Variants in HSD17B4 observed in about 807,000 individuals in gnomAD.
The protein encoded by HSD17B4 is peroxisomal multifunctional enzyme type 2.
Under a neutral mutation model 101.0 loss-of-function variants are expected in HSD17B4, and 70 were observed. The ratio of observed to expected loss-of-function variants is 0.69; its 90% CI spans 0.57 to 0.85. The LOEUF (loss-of-function observed/expected upper bound fraction) is 0.85, where lower values mean the gene tolerates loss of function less well. Ranked by LOEUF, HSD17B4 falls within the 40% of genes least tolerant of loss-of-function variation. The probability of loss-of-function intolerance (pLI) is 0.00; values close to 1 mark genes in which losing one functional copy is unlikely to be tolerated. For missense variants in HSD17B4, 984 were observed against 892.4 expected, an observed-to-expected ratio of 1.10 and a Z score of -1.31; for synonymous variants, 347 against 297.1, an observed-to-expected ratio of 1.17 and a Z score of -1.73.
chr5:119,475,578 A>T, intron 4 of HSD17B4, 128 bp from the exon 5 acceptor site: 1 of 724,098 alleles, frequency 1.4e-6, no homozygotes, highest in South Asian at 1.7e-5. Flanking sequence ...TTTTGAAAGC[A>T]CTCTTTACCT....
intron 19 of HSD17B4, 66 bp downstream of exon 19, chr5:119,526,089 GT>G: frequency 1.1e-6 from 1 of 913,748 alleles, no homozygotes; most frequent in Non-Finnish European, 1.8e-6. Flanking sequence ...AAGAAAAGGG[GT>G]TTTAGTGATT....
chr5:119,519,221 C>A (rs923768217), intron 17 of HSD17B4, among the ~76,000 whole-genome samples: 2 of 152,124 alleles, frequency 1.3e-5, no homozygotes, highest in African/African-American at 4.8e-5. Flanking sequence ...ACAGACAATT[C>A]CACTGCAATA....
rs569942945 is a variant in HSD17B4 at position 119,514,950 on chromosome 5, T to A, written c.1438-31T>A. On this transcript the variant is annotated intron_variant, in intron 16 of 23. Coordinates refer to ENST00000510025, the MANE Select transcript of HSD17B4 (RefSeq NM_000414.4). Reference sequence around the variant, plus strand: ...AAAGAGAATAATGATAATTTGTATTTAAGATTTAACATGTAATGTCTTAAT... The same window carrying A: ...AAAGAGAATAATGATAATTTGTATTAAAGATTTAACATGTAATGTCTTAAT... 5.9e-5 allele frequency: 72 copies of A among 1,216,942 alleles called. No homozygotes were observed. In the South Asian group the frequency reaches 8.1e-4, roughly 14 times the overall value. 75.4% of individuals were successfully genotyped at this position (1,216,942 alleles called of 1,614,324 possible).
intron 14 of HSD17B4, among the ~76,000 whole-genome samples, chr5:119,502,591 T>C (rs1182922934): frequency 1.3e-5 from 2 of 150,976 alleles, no homozygotes; most frequent in African/African-American, 5.0e-5. Flanking sequence ...TAAATCTCTT[T>C]TAATTTTTTT....
Position 119,456,210 on chromosome 5 carries a change from G to A in HSD17B4, c.59-105G>A, listed in dbSNP as rs972322738. 11 of 768,612 alleles carry A rather than the reference G, an allele frequency of 1.4e-5. No homozygotes were observed. The East Asian group carries it at 2.0e-4, about 14-fold the overall frequency. 47.6% of individuals were successfully genotyped at this position (768,612 alleles called of 1,614,324 possible). On this transcript the variant is annotated intron_variant, in intron 1 of 23. Coordinates refer to ENST00000510025, the MANE Select transcript of HSD17B4 (RefSeq NM_000414.4). Reference sequence around the variant, plus strand: ...GATAGGTTGAGAGTATCATTAAAATGTAATTAATTGTTCACCAATTTCTTT... The same window carrying A: ...GATAGGTTGAGAGTATCATTAAAATATAATTAATTGTTCACCAATTTCTTT...
At chr5:119,467,827 A>G (rs1411287430) in intron 2 of HSD17B4, among the ~76,000 whole-genome samples, 2 of 152,174 alleles carry the variant, frequency 1.3e-5, no homozygotes, top group Non-Finnish European at 2.9e-5. Context: ...AATGCCTTGT[A>G]TATACTGAGT....
In HSD17B4 at chr5:119,504,624, G is replaced by T. The variant is rs186434374; in HGVS notation, c.1262-2194G>T. On this transcript the variant is annotated intron_variant, in intron 14 of 23. Coordinates refer to ENST00000510025, the MANE Select transcript of HSD17B4 (RefSeq NM_000414.4). ...ATGTCCTTTGCCCATTTCTTAATGG[G>T]ATTATTTGTTTTTTGCTTGTTGAAC... Among the ~76,000 whole-genome samples the T allele has an allele frequency of 3.3e-5, 5 of 152,152 alleles. No homozygotes were observed. The East Asian group carries it at 9.6e-4, about 29-fold the overall frequency.
intron 7 of HSD17B4, 77 bp downstream of exon 7, chr5:119,477,578 T>C (rs1429369006): frequency 1.1e-6 from 1 of 940,064 alleles, no homozygotes; most frequent in Non-Finnish European, 1.8e-6. Context: ...AAAGATTATG[T>C]GAAGTGTTGT....
At position 119,475,891 on chromosome 5, in the gene HSD17B4, C is replaced by T. The variant is rs185080185; in HGVS notation, c.349+21C>T. 1.1e-3 allele frequency: 1,611 copies of T among 1,524,128 alleles called. 3 individuals carry two copies. The highest frequency in any genetic ancestry group is 1.3e-3 in the Non-Finnish European group (1,430 of 1,098,224). 94.4% of individuals were successfully genotyped at this position (1,524,128 alleles called of 1,614,324 possible). ...CTGGGGTAAGTTGTTTTTAGTATTT[C>T]TCTGGGGAACATACTTATCCATTTA... On this transcript the variant is annotated intron_variant, in intron 6 of 23. Coordinates refer to ENST00000510025, the MANE Select transcript of HSD17B4 (RefSeq NM_000414.4).
chr5:119,452,697 C>T (rs1754174725), intron 1 of HSD17B4, 64 bp downstream of exon 1: 1 of 1,609,268 alleles, frequency 6.2e-7, no homozygotes, highest in Non-Finnish European at 8.5e-7. Context: ...TCTTTTCGGG[C>T]CGGCATACGC....
chr5:119,492,176 C>G (rs765435140), intron 10 of HSD17B4, 52 bp downstream of exon 10: 2 of 1,342,718 alleles, frequency 1.5e-6, no homozygotes, highest in Non-Finnish European at 2.1e-6. Flanking sequence ...TATCTTTAAA[C>G]CTACATATCC....
In HSD17B4 at chr5:119,509,182, TTC is replaced by T. The variant is rs2126814260; in HGVS notation, c.1383_1384del (p.Phe462SerfsTer24). ...SEKELICHNQFSLFLVGSGGF... is the reference protein window; with the variant it reads ...SEKELICHNQXSLFLVGSGGF... Reference sequence around the variant, plus strand: ...GAAGGAACTTATATGCCACAATCAGTTCTCTCTCTTTCTTGTTGGCTCTGGAG... The same window carrying T: ...GAAGGAACTTATATGCCACAATCAGTTCTCTCTTTCTTGTTGGCTCTGGAG... On this transcript the variant is annotated frameshift_variant, in exon 16 of 24. Transcript: ENST00000510025. LOFTEE classifies it high-confidence loss of function. 5 of 1,607,622 alleles carry T rather than the reference TTC, an allele frequency of 3.1e-6. No individual in the cohort carries two copies. The highest frequency in any genetic ancestry group is 4.3e-6 in the Non-Finnish European group (5 of 1,174,138).
At position 119,493,986 on chromosome 5, in the gene HSD17B4, CAG is replaced by C. The variant is rs34843661; in HGVS notation, c.868+43_868+44del. ...CGTCACTTAGCCCTGGTTGGGGAAT[CAG>C]AGGCAGCAAGCATTTTCTTCTCTTA... is the stretch of plus-strand genomic sequence containing the variant. On this transcript the variant is annotated intron_variant, in intron 11 of 23. Transcript: ENST00000510025. 1.3e-3 allele frequency: 2,049 copies of C among 1,607,902 alleles called. 26 individuals carry two copies. The African/African-American group carries it at 0.025, about 19-fold the overall frequency.
At position 119,527,127 on chromosome 5, in the gene HSD17B4, T is replaced by A; in HGVS notation, c.1681-6T>A. On this transcript the variant is annotated splice_polypyrimidine_tract_variant and splice_region_variant and intron_variant, in intron 19 of 23. Coordinates refer to ENST00000510025, the MANE Select transcript of HSD17B4 (RefSeq NM_000414.4). ...ACATTTTTAACCCCACAATTCTTTT[T>A]TAAAGGCTCGTTTTGCAAAACCAGT... 6.4e-7 allele frequency: 1 copy of A among 1,566,006 alleles called. No homozygotes were observed. The highest frequency in any genetic ancestry group is 8.8e-7 in the Non-Finnish European group (1 of 1,136,704).
At chr5:119,473,847 C>T (rs974078847) in intron 2 of HSD17B4, 61 bp from the exon 3 acceptor site, 6 of 981,688 alleles carry the variant, frequency 6.1e-6, no homozygotes, top group Non-Finnish European at 9.8e-6. Context: ...TCCACACACA[C>T]ACACACACAT....
chr5:119,505,274 C>A (rs1751541197), intron 14 of HSD17B4, among the ~76,000 whole-genome samples: 1 of 150,814 alleles, frequency 6.6e-6, no homozygotes, highest in South Asian at 2.1e-4. Context: ...TTTTCTAATT[C>A]TGTAAAAAAT....
In HSD17B4 at chr5:119,531,356, G is replaced by A; in HGVS notation, c.1945G>A (p.Val649Ile). The A allele has an allele frequency of 6.2e-7, 1 of 1,613,530 alleles. No homozygotes were observed. ...TGAGGTGGTGAAGAAAGTAAATGCT[G>A]TATTTGAGTGGCATATAACCAAAGG... ...GPEVVKKVNAVFEWHITKGGN... is the reference protein window; with the variant it reads ...GPEVVKKVNAIFEWHITKGGN... The change falls in exon 22 of 24, where the codon GTA (valine) becomes ATA (isoleucine). Residue 649 changes from valine to isoleucine, a missense_variant. Transcript: ENST00000510025.
rs1031075291 is a variant in HSD17B4, at chr5:119,488,061, A to C, written c.623-1131A>C. Among the ~76,000 whole-genome samples, 14 of 152,230 alleles carry C rather than the reference A, an allele frequency of 9.2e-5. No individual in the cohort carries two copies. The East Asian group carries it at 2.1e-3, about 23-fold the overall frequency. On this transcript the variant is annotated intron_variant, in intron 8 of 23. Transcript: ENST00000510025. ...CTTTAACACATTAATACAAAATTGT[A>C]TTTTGTCATTTCACAATTTTTGCAT...
At chr5:119,502,174 T>C (rs1379971680) in intron 14 of HSD17B4, 82 bp downstream of exon 14, 1 of 892,206 alleles carries the variant, frequency 1.1e-6, no homozygotes, top group African/African-American at 1.6e-5. Context: ...TGTGTTAAAC[T>C]GGTATAGAGT....
Sources: allele counts gnomAD v4.1 joint callset (sites outside exome capture counted in the v4.1 genomes callset), GRCh38; gene constraint gnomAD v4.1.1; transcripts MANE v1.5; gene names NCBI Gene and HGNC (gene_info 2026-07-23, HGNC 2026-07-21).